The following SHANK2 variants were observed in gnomAD, a reference collection of about 807,000 sequenced individuals.
SHANK2 encodes SH3 and multiple ankyrin repeat domains protein 2.
SHANK2 carries 43 observed loss-of-function variants against 133.7 expected under a neutral mutation model. That is an observed-to-expected ratio of 0.32 (90% CI 0.25 to 0.41). The LOEUF is 0.41. Among genes scored for constraint, SHANK2 ranks in the 10% least tolerant of loss-of-function variants. The probability of loss-of-function intolerance (pLI) is 1.00; values close to 1 mark genes in which losing one functional copy is unlikely to be tolerated. For missense variants in SHANK2, 1,994 were observed against 2,235.8 expected, an observed-to-expected ratio of 0.89 and a Z score of 2.18; for synonymous variants, 1,017 against 952.8, an observed-to-expected ratio of 1.07 and a Z score of -1.24.
chr11:70,798,801 C>G (rs1947978116), intron 13 of SHANK2, among the ~76,000 whole-genome samples: 1 of 152,214 alleles, frequency 6.6e-6, no homozygotes, highest in Non-Finnish European at 1.5e-5. Context: ...GAATGAAGCA[C>G]TGACATGTTT....
intron 17 of SHANK2, among the ~76,000 whole-genome samples, chr11:70,505,108 G>C (rs1435600810): frequency 2.6e-5 from 4 of 152,166 alleles, no homozygotes; most frequent in African/African-American, 9.7e-5. Context: ...ACCTAAGAAG[G>C]CAGAACCAAG....
chr11:70,591,492 G>A (rs2060320232), intron 17 of SHANK2, among the ~76,000 whole-genome samples: 1 of 151,954 alleles, frequency 6.6e-6, no homozygotes, highest in African/African-American at 2.4e-5. Flanking sequence ...CATTGCCCTG[G>A]ACTCAAACGC....
rs539945178 is a variant in SHANK2 at position 70,863,660 on chromosome 11, A to G, written c.1174+32841T>C. On this transcript the variant is annotated intron_variant, in intron 11 of 25. Transcript: ENST00000601538. ...CAACATCTGGTCCACTCTCTCTGGC[A>G]TCCTGGGCTGGGGGTATGGGGAAGA... 478 of 425,432 alleles carry G rather than the reference A, an allele frequency of 1.1e-3. 9 individuals are homozygous for G. The highest frequency in any genetic ancestry group is 8.0e-3 in the South Asian group (462 of 57,782). The allele number at this position is 425,432 out of a possible 1,614,324, so 26.4% of individuals were successfully genotyped here.
intron 3 of SHANK2, among the ~76,000 whole-genome samples, chr11:71,146,031 T>C (rs1458617397): frequency 2.0e-5 from 3 of 152,206 alleles, no homozygotes; most frequent in Admixed American, 6.5e-5. Context: ...CTACCATGTC[T>C]ACTCCACAGC....
At position 70,770,915 on chromosome 11, in the gene SHANK2, CTTTTTTTTTTTTTTTT is replaced by C. The variant is rs71467419; in HGVS notation, c.1777+27512_1777+27527del. 1.1e-3 allele frequency among the ~76,000 whole-genome samples: 101 copies of C among 92,862 alleles called. 1 individual carries two copies. Among genetic ancestry groups the C allele is most frequent in the African/African-American group, 3.9e-3 (81 of 20,836 alleles). 60.9% of individuals were successfully genotyped at this position (92,862 alleles called of 152,430 possible). A position where few individuals can be genotyped will look rare whatever the true frequency, so the allele number is the denominator to read the frequency against. ...TCTCTCCTTCCCTCCCTCTTACTTCCTTTTTTTTTTTTTTTTTTTTTTTTTTTTTGACAGGGTCTCA... is the reference window on the plus strand; with the variant it reads ...TCTCTCCTTCCCTCCCTCTTACTTCCTTTTTTTTTTTTTGACAGGGTCTCA... On this transcript the variant is annotated intron_variant, in intron 14 of 25. Coordinates refer to ENST00000601538, the MANE Select transcript of SHANK2 (RefSeq NM_012309.5).
At chr11:70,863,167 C>T in intron 11 of SHANK2, 1 of 362,982 alleles carries the variant, frequency 2.8e-6, no homozygotes, top group Non-Finnish European at 5.5e-6. Context: ...AATTTGTAGG[C>T]CAGACAGCAG....
intron 2 of SHANK2, among the ~76,000 whole-genome samples, chr11:71,205,133 G>GA (rs1372253945): frequency 1.3e-5 from 2 of 152,168 alleles, no homozygotes; most frequent in Non-Finnish European, 2.9e-5. Context: ...CTTGTGTAAT[G>GA]AGCTACTCAG....
intron 14 of SHANK2, among the ~76,000 whole-genome samples, chr11:70,744,267 T>G (rs1946592756): frequency 6.6e-6 from 1 of 152,234 alleles, no homozygotes; most frequent in Non-Finnish European, 1.5e-5. Flanking sequence ...CCTGCCCTTG[T>G]GGGCTCGGGC....
intron 10 of SHANK2, among the ~76,000 whole-genome samples, chr11:70,919,263 C>T (rs1362797025): frequency 6.6e-6 from 1 of 152,154 alleles, no homozygotes; most frequent in Non-Finnish European, 1.5e-5. Flanking sequence ...TGCTGACCAT[C>T]TTTTTGTGGT....
At chr11:70,498,897 G>GAGTCCAGCATGACCTCATCTTGATTAGA (rs2059010392) in intron 21 of SHANK2, among the ~76,000 whole-genome samples, 1 of 152,130 alleles carries the variant, frequency 6.6e-6, no homozygotes, top group South Asian at 2.1e-4. Flanking sequence ...GGGCCCACCC[G>GAGTCCAGCATGACCTCATCTTGATTAGA]AGTCCAGCAT....
At chr11:70,931,360 G>C (rs1950502055) in intron 10 of SHANK2, among the ~76,000 whole-genome samples, 2 of 152,228 alleles carry the variant, frequency 1.3e-5, no homozygotes, top group South Asian at 4.1e-4. Context: ...TGTATGATCT[G>C]TGAATTACAT....
At chr11:70,914,838 G>A (rs1950247709) in intron 10 of SHANK2, among the ~76,000 whole-genome samples, 1 of 150,280 alleles carries the variant, frequency 6.7e-6, no homozygotes, top group Non-Finnish European at 1.5e-5. Context: ...ATTTGAGGCT[G>A]CAGTGAGCTA....
intron 3 of SHANK2, among the ~76,000 whole-genome samples, chr11:71,133,926 ATT>A (rs782273886): frequency 1.2e-4 from 17 of 143,988 alleles, no homozygotes; most frequent in Admixed American, 1.4e-4. Context: ...AAAACTATGT[ATT>A]TTTTTTTTTT....
chr11:70,868,564 C>T (rs1253261414), intron 11 of SHANK2, among the ~76,000 whole-genome samples: 1 of 152,152 alleles, frequency 6.6e-6, no homozygotes, highest in Non-Finnish European at 1.5e-5. Context: ...AGGGCAGAGT[C>T]AAGACACAAG....
intron 17 of SHANK2, among the ~76,000 whole-genome samples, chr11:70,649,847 G>A (rs1326845346): frequency 6.6e-6 from 1 of 152,242 alleles, no homozygotes; most frequent in African/African-American, 2.4e-5. Context: ...GACTTACCTG[G>A]AGCATCAGAC....
At chr11:70,609,351 A>G (rs1465689305) in intron 17 of SHANK2, among the ~76,000 whole-genome samples, 6 of 152,226 alleles carry the variant, frequency 3.9e-5, no homozygotes, top group African/African-American at 1.2e-4. Flanking sequence ...TGTTCAAATT[A>G]GAGACCCCCA....
At chr11:70,549,260 G>A (rs1267316940) in intron 17 of SHANK2, among the ~76,000 whole-genome samples, 3 of 152,156 alleles carry the variant, frequency 2.0e-5, no homozygotes, top group Admixed American at 6.5e-5. Context: ...CTGTGCAGCG[G>A]AACAAAGGAT....
chr11:70,662,049 G>GGCAGCGGCGGCCTCA (rs1420887643), intron 15 of SHANK2: 2 of 505,002 alleles, frequency 4.0e-6, no homozygotes, highest in African/African-American at 3.9e-5. Flanking sequence ...CGGCGGCGGC[G>GGCAGCGGCGGCCTCA]GCAGCGGCGG....
intron 17 of SHANK2, among the ~76,000 whole-genome samples, chr11:70,625,490 C>T (rs2060892365): frequency 1.3e-5 from 2 of 152,160 alleles, no homozygotes; most frequent in South Asian, 2.1e-4. Flanking sequence ...AACAGAGACA[C>T]ATACATCAGG....
Sources: allele counts gnomAD v4.1 joint callset (sites outside exome capture counted in the v4.1 genomes callset), GRCh38; gene constraint gnomAD v4.1.1; transcripts MANE v1.5; gene names NCBI Gene and HGNC (gene_info 2026-07-23, HGNC 2026-07-21).